Variants in PDE6D observed in about 807,000 individuals in gnomAD.
PDE6D encodes the protein phosphodiesterase 6D.
Under a neutral mutation model 21.9 loss-of-function variants are expected in PDE6D, and 10 were observed. The ratio of observed to expected loss-of-function variants is 0.46; its 90% CI spans 0.28 to 0.78. PDE6D has a LOEUF of 0.78. PDE6D is among the 30% of genes least tolerant of loss of function. The pLI is 0.12. For synonymous variants in PDE6D, 59 were observed against 63.5 expected (o/e 0.93, Z 0.34); for missense variants, 139 against 184.8 (o/e 0.75, Z 1.44).
chr2:231,775,242 C>A (rs182105589), intron 1 of PDE6D, among the ~76,000 whole-genome samples: 4 of 151,840 alleles, frequency 2.6e-5, no homozygotes, highest in African/African-American at 9.7e-5. Flanking sequence ...TCGTACAGTG[C>A]CACTTTCAGG....
chr2:231,756,163 A>G (rs1018355247), intron 1 of PDE6D, among the ~76,000 whole-genome samples: 1 of 152,084 alleles, frequency 6.6e-6, no homozygotes, highest in Admixed American at 6.6e-5. Flanking sequence ...TTCCCCTATA[A>G]TGCAAGCAGA....
intron 1 of PDE6D, among the ~76,000 whole-genome samples, chr2:231,776,956 G>A (rs951142367): frequency 2.0e-5 from 3 of 152,162 alleles, no homozygotes; most frequent in African/African-American, 4.8e-5. Flanking sequence ...GTAGTATAGC[G>A]CCACAGTCCA....
intron 1 of PDE6D, among the ~76,000 whole-genome samples, chr2:231,772,135 GTT>G (rs940844164): frequency 6.9e-6 from 1 of 143,996 alleles, no homozygotes; most frequent in Non-Finnish European, 1.5e-5. Flanking sequence ...TAGAACAGTT[GTT>G]TTTTTTTTTT....
chr2:231,772,240 T>C (rs750623596), intron 1 of PDE6D, among the ~76,000 whole-genome samples: 19 of 151,958 alleles, frequency 1.3e-4, no homozygotes, highest in Admixed American at 2.6e-4. Flanking sequence ...ATGTATGCCA[T>C]GTTTCAAGTG....
Position 231,776,903 on chromosome 2 carries a change from G to A in PDE6D, c.50+4162C>T, listed in dbSNP as rs564776340. 7.6e-4 allele frequency among the ~76,000 whole-genome samples: 116 copies of A among 152,282 alleles called. 2 individuals carry two copies. The highest frequency in any genetic ancestry group is 2.6e-3 in the African/African-American group (107 of 41,554). On this transcript the variant is annotated intron_variant, in intron 1 of 4. Transcript: ENST00000287600. ...TGCTTTTAACAAACAAGAAAGAAAT[G>A]CAAGGTTCTTAATGTGTATGAGAGC...
intron 1 of PDE6D, among the ~76,000 whole-genome samples, chr2:231,760,078 T>C (rs1471119686): frequency 1.3e-5 from 2 of 152,236 alleles, no homozygotes; most frequent in Non-Finnish European, 2.9e-5. Flanking sequence ...AAAACCTTCA[T>C]GTAAATTAGC....
chr2:231,741,105 C>A (rs1345893312), intron 1 of PDE6D, among the ~76,000 whole-genome samples: 6 of 112,274 alleles, frequency 5.3e-5, no homozygotes, highest in Non-Finnish European at 6.6e-5. Flanking sequence ...AAGAGCGAAA[C>A]CCTGTCTCAA....
chr2:231,744,713 G>A (rs149920318), intron 1 of PDE6D, among the ~76,000 whole-genome samples: 25 of 152,104 alleles, frequency 1.6e-4, no homozygotes, highest in East Asian at 9.6e-4. Flanking sequence ...GATTACAGGC[G>A]TTGAGCCACC....
chr2:231,762,339 C>CTTTTTTT (rs3074725), intron 1 of PDE6D, among the ~76,000 whole-genome samples: 3 of 83,458 alleles, frequency 3.6e-5, no homozygotes, highest in African/African-American at 6.5e-5. Flanking sequence ...AGGACTAACG[C>CTTTTTTT]TTTTTTTTTT....
intron 4 of PDE6D, among the ~76,000 whole-genome samples, chr2:231,736,321 CT>C (rs139402410): frequency 0.18 from 26,835 of 149,764 alleles, 2,752 homozygotes; most frequent in Non-Finnish European, 0.24. Flanking sequence ...GGGACTAACT[CT>C]TTTTTTTTTG....
At chr2:231,760,750 C>T (rs2048918958) in intron 1 of PDE6D, among the ~76,000 whole-genome samples, 2 of 152,168 alleles carry the variant, frequency 1.3e-5, no homozygotes, top group African/African-American at 4.8e-5. Context: ...GATTATGCTG[C>T]TAGTGTATTC....
At chr2:231,735,361 G>A (rs1162777131) in intron 4 of PDE6D, among the ~76,000 whole-genome samples, 2 of 147,850 alleles carry the variant, frequency 1.4e-5, no homozygotes, top group African/African-American at 2.5e-5. Context: ...GTGCAGAGGC[G>A]TGATCTCGGC....
At chr2:231,770,058 T>G (rs1410095746) in intron 1 of PDE6D, among the ~76,000 whole-genome samples, 1 of 151,990 alleles carries the variant, frequency 6.6e-6, no homozygotes, top group Admixed American at 6.6e-5. Context: ...TATCCAAGAC[T>G]TTTTCACCTT....
At chr2:231,768,178 T>G (rs753680459) in intron 1 of PDE6D, among the ~76,000 whole-genome samples, 2 of 152,138 alleles carry the variant, frequency 1.3e-5, no homozygotes, top group Non-Finnish European at 2.9e-5. Flanking sequence ...CACAATGACC[T>G]ATAAGGTATC....
intron 1 of PDE6D, among the ~76,000 whole-genome samples, chr2:231,748,450 T>C (rs1282667633): frequency 1.3e-5 from 2 of 152,144 alleles, no homozygotes; most frequent in Non-Finnish European, 2.9e-5. Context: ...AAGAGATAAC[T>C]TGGGTGCTGT....
At chr2:231,735,611 A>C (rs958990568) in intron 4 of PDE6D, among the ~76,000 whole-genome samples, 2 of 151,884 alleles carry the variant, frequency 1.3e-5, no homozygotes, top group Non-Finnish European at 2.9e-5. Flanking sequence ...TACAAAATCT[A>C]TGTTGCCCAA....
chr2:231,759,735 C>T (rs1447284170), intron 1 of PDE6D, among the ~76,000 whole-genome samples: 1 of 152,100 alleles, frequency 6.6e-6, no homozygotes, highest in Non-Finnish European at 1.5e-5. Context: ...ATAAGTCTCC[C>T]GTGGCAGTGC....
intron 1 of PDE6D, among the ~76,000 whole-genome samples, chr2:231,755,990 AT>A (rs1481068450): frequency 6.6e-6 from 1 of 152,154 alleles, no homozygotes; most frequent in Non-Finnish European, 1.5e-5. Context: ...TGAAACTTTT[AT>A]GTACAGATTC....
At chr2:231,742,636 A>C (rs763476352) in intron 1 of PDE6D, among the ~76,000 whole-genome samples, 62 of 152,302 alleles carry the variant, frequency 4.1e-4, no homozygotes, top group Non-Finnish European at 5.1e-4. Context: ...ATATATGTAT[A>C]ATATAGATAT....
Sources: allele counts gnomAD v4.1 joint callset (sites outside exome capture counted in the v4.1 genomes callset), GRCh38; gene constraint gnomAD v4.1.1; transcripts MANE v1.5; gene names NCBI Gene and HGNC (gene_info 2026-07-23, HGNC 2026-07-21).